The following GPC6 variants were observed in gnomAD, a reference collection of about 807,000 sequenced individuals.
The protein encoded by GPC6 is glypican-6.
A neutral mutation model predicts 55.2 loss-of-function variants in GPC6; 14 were observed. That is an observed-to-expected ratio of 0.25 (90% confidence interval 0.17 to 0.40). GPC6 has a LOEUF of 0.40. GPC6 is among the 10% of genes least tolerant of loss of function. GPC6 has a pLI of 1.00. For synonymous variants in GPC6, 278 were observed against 259.6 expected, an observed-to-expected ratio of 1.07 and a Z score of -0.68; for missense variants, 641 against 708.5, an observed-to-expected ratio of 0.90 and a Z score of 1.08.
intron 1 of GPC6, among the ~76,000 whole-genome samples, chr13:93,533,308 A>G (rs1881936540): frequency 6.6e-6 from 1 of 152,226 alleles, no homozygotes; most frequent in Admixed American, 6.5e-5. Context: ...TATCTTAGCT[A>G]TCAGAAACTC....
intron 1 of GPC6, among the ~76,000 whole-genome samples, chr13:93,235,737 T>G (rs1403675542): frequency 6.6e-6 from 1 of 152,196 alleles, no homozygotes; most frequent in Admixed American, 6.5e-5. Flanking sequence ...ACTCAAGTAG[T>G]CTGTGTCAGT....
At chr13:93,633,963 A>G (rs918556255) in intron 2 of GPC6, among the ~76,000 whole-genome samples, 1 of 152,152 alleles carries the variant, frequency 6.6e-6, no homozygotes, top group Non-Finnish European at 1.5e-5. Context: ...TGCTTTCTCT[A>G]GATATCAAAG....
intron 3 of GPC6, among the ~76,000 whole-genome samples, chr13:93,874,307 T>C (rs1641856520): frequency 6.6e-6 from 1 of 151,916 alleles, no homozygotes; most frequent in South Asian, 2.1e-4. Flanking sequence ...ACTATTTGGT[T>C]TTATGTTCCT....
At chr13:93,744,496 CCTT>C (rs1884318205) in intron 2 of GPC6, among the ~76,000 whole-genome samples, 1 of 145,796 alleles carries the variant, frequency 6.9e-6, no homozygotes, top group South Asian at 2.2e-4. Flanking sequence ...CATCTAAACT[CCTT>C]GTCTTCCTCC....
chr13:94,398,732 C>G, intron 8 of GPC6, 91 bp downstream of exon 8: 2 of 1,002,812 alleles, frequency 2.0e-6, no homozygotes, highest in Non-Finnish European at 3.1e-6. Context: ...GCAATATGCC[C>G]TTTTAATTTA....
chr13:94,151,047 A>G (rs59941228), intron 4 of GPC6, among the ~76,000 whole-genome samples: 1,623 of 152,002 alleles, frequency 0.011, 32 homozygotes, highest in African/African-American at 0.037. Flanking sequence ...TTATAACATA[A>G]GGAAACTAAA....
At chr13:93,811,925 G>GT (rs1460285305) in intron 2 of GPC6, among the ~76,000 whole-genome samples, 5 of 152,000 alleles carry the variant, frequency 3.3e-5, no homozygotes, top group African/African-American at 1.2e-4. Context: ...CACACTTACT[G>GT]TTATAAGAGA....
intron 4 of GPC6, among the ~76,000 whole-genome samples, chr13:94,280,360 G>A (rs9524400): frequency 0.51 from 76,821 of 151,970 alleles, 19,660 homozygotes; most frequent in African/African-American, 0.56. Context: ...CCCTCTTTCC[G>A]GGTCATTCAG....
At chr13:93,740,879 G>A (rs988172486) in intron 2 of GPC6, among the ~76,000 whole-genome samples, 37 of 152,216 alleles carry the variant, frequency 2.4e-4, no homozygotes, top group South Asian at 8.3e-4. Context: ...TTTACTTTAC[G>A]TAGAAAACTA....
At chr13:93,561,266 T>C (rs1287161764) in intron 2 of GPC6, among the ~76,000 whole-genome samples, 2 of 151,922 alleles carry the variant, frequency 1.3e-5, no homozygotes, top group African/African-American at 4.8e-5. Context: ...TTAATTTCTT[T>C]CACTGGAATA....
intron 6 of GPC6, chr13:94,306,359 C>T: frequency 1.8e-6 from 1 of 565,360 alleles, no homozygotes; most frequent in Non-Finnish European, 3.2e-6. Context: ...TATGCAGTGA[C>T]CACATTTTCA....
intron 3 of GPC6, among the ~76,000 whole-genome samples, chr13:93,888,813 A>G (rs919770773): frequency 6.6e-6 from 1 of 152,160 alleles, no homozygotes; most frequent in Non-Finnish European, 1.5e-5. Context: ...AAGAAACCAA[A>G]TTTAATTTCC....
intron 3 of GPC6, among the ~76,000 whole-genome samples, chr13:93,893,255 C>T (rs1012813506): frequency 2.6e-5 from 4 of 152,006 alleles, no homozygotes; most frequent in African/African-American, 7.3e-5. Context: ...GACAGTGTTT[C>T]ACCATGTTGG....
At chr13:93,660,730 T>A (rs185905873) in intron 2 of GPC6, among the ~76,000 whole-genome samples, 30 of 152,318 alleles carry the variant, frequency 2.0e-4, no homozygotes, top group Non-Finnish European at 4.1e-4. Context: ...ATAATATATA[T>A]CTAACCATTA....
chr13:93,558,312 GGACCCT>G (rs1875587134), intron 2 of GPC6, among the ~76,000 whole-genome samples: 1 of 152,096 alleles, frequency 6.6e-6, no homozygotes, highest in African/African-American at 2.4e-5. Flanking sequence ...TTACCTATAA[GGACCCT>G]GACAGTCCTA....
At position 93,403,205 on chromosome 13, in the gene GPC6, G is replaced by C. The variant is rs142215008; in HGVS notation, c.161-142058G>C. On this transcript the variant is annotated intron_variant, in intron 1 of 8. Transcript: ENST00000377047. ...ACCATTACAAAGATATTGACACTTT[G>C]GGCCTTCAAAACAATAATATTCTCT... 1.3e-5 allele frequency among the ~76,000 whole-genome samples: 2 copies of C among 152,214 alleles called. 1 individual carries two copies. The highest frequency in any genetic ancestry group is 1.3e-4 in the Admixed American group (2 of 15,278).
Position 94,263,032 on chromosome 13 carries a change from G to C in GPC6, c.878-23317G>C, listed in dbSNP as rs561818051. ...GAAATAAAAATAACTTTCACTTAGT[G>C]CCAATCACATGTCAAGCATTGGATT... On this transcript the variant is annotated intron_variant, in intron 4 of 8. Coordinates refer to ENST00000377047, the MANE Select transcript of GPC6 (RefSeq NM_005708.5). Among the ~76,000 whole-genome samples, 3 of 152,278 alleles carry C rather than the reference G, an allele frequency of 2.0e-5. No individual in the cohort carries two copies. The South Asian group carries it at 6.2e-4, about 32-fold the overall frequency.
intron 2 of GPC6, among the ~76,000 whole-genome samples, chr13:93,690,294 G>A (rs1264060643): frequency 6.6e-6 from 1 of 151,946 alleles, no homozygotes; most frequent in Non-Finnish European, 1.5e-5. Context: ...AATGGCTGTG[G>A]GTGGTAGTGC....
Position 94,382,506 on chromosome 13 carries a change from C to T in GPC6, c.1245C>T (p.Gly415=), listed in dbSNP as rs1328725110. ...GCAAGGACGAGAGCGTGACAGCGGGCACGTCCAACGAGGAGGAATGCTGGA... is the reference window on the plus strand; with the variant it reads ...GCAAGGACGAGAGCGTGACAGCGGGTACGTCCAACGAGGAGGAATGCTGGA... ...TICKDESVTA[G]TSNEEECWNG... The change falls in exon 7 of 9, where the codon GGC becomes GGT. Residue 415 remains glycine (G), a synonymous_variant. Transcript: ENST00000377047. 1.2e-6 allele frequency: 2 copies of T among 1,614,168 alleles called. No homozygotes were observed. Among genetic ancestry groups the T allele is most frequent in the South Asian group, 2.2e-5 (2 of 91,080 alleles).
Sources: allele counts gnomAD v4.1 joint callset (sites outside exome capture counted in the v4.1 genomes callset), GRCh38; gene constraint gnomAD v4.1.1; transcripts MANE v1.5; gene names NCBI Gene and HGNC (gene_info 2026-07-23, HGNC 2026-07-21).